Variants in SLC4A8 observed in about 807,000 individuals in gnomAD.
SLC4A8 encodes the protein solute carrier family 4 member 8, also known as electroneutral sodium bicarbonate exchanger 1.
In SLC4A8, 40 loss-of-function variants were observed where a neutral mutation model predicts 125.0. The observed-to-expected ratio is 0.32, with a 90% CI of 0.25 to 0.42. SLC4A8 has a LOEUF of 0.42. SLC4A8 is among the 10% of genes least tolerant of loss of function. The probability of loss-of-function intolerance (pLI) is 1.00; values close to 1 mark genes in which losing one functional copy is unlikely to be tolerated. For missense variants in SLC4A8, 863 were observed against 1,355.1 expected (o/e 0.64, Z 5.70); for synonymous variants, 456 against 476.0 (o/e 0.96, Z 0.55).
At chr12:51,401,545 C>T (rs768354421) in intron 1 of SLC4A8, among the ~76,000 whole-genome samples, 111 of 152,122 alleles carry the variant, frequency 7.3e-4, no homozygotes, top group Non-Finnish European at 1.4e-3. Flanking sequence ...TATGCTCTTC[C>T]ACCAGTGTAT....
intron 1 of SLC4A8, among the ~76,000 whole-genome samples, chr12:51,398,350 A>G (rs1948305328): frequency 6.6e-6 from 1 of 152,206 alleles, no homozygotes; most frequent in South Asian, 2.1e-4. Context: ...TACAATTAAT[A>G]AGTGTTCCTC....
At chr12:51,463,872 A>G (rs1950431087) in intron 11 of SLC4A8, among the ~76,000 whole-genome samples, 158 bp downstream of exon 11, 2 of 152,228 alleles carry the variant, frequency 1.3e-5, no homozygotes, top group Non-Finnish European at 2.9e-5. Flanking sequence ...AGTATTATGA[A>G]TATATCAAAT....
chr12:51,483,860 G>A (rs1272741553), intron 16 of SLC4A8, among the ~76,000 whole-genome samples: 1 of 151,916 alleles, frequency 6.6e-6, no homozygotes, highest in East Asian at 1.9e-4. Flanking sequence ...TTTACATTAG[G>A]TATATCTCCT....
chr12:51,453,193 A>C (rs1950022153), intron 4 of SLC4A8, among the ~76,000 whole-genome samples: 1 of 152,240 alleles, frequency 6.6e-6, no homozygotes, highest in South Asian at 2.1e-4. Context: ...ATGCATGCTC[A>C]TTATAGAAAG....
chr12:51,474,592 C>G (rs1950807111), intron 15 of SLC4A8, 145 bp downstream of exon 15: 4 of 1,388,074 alleles, frequency 2.9e-6, no homozygotes, highest in Non-Finnish European at 3.8e-6. Flanking sequence ...TACTCACTTT[C>G]TTTTATCCTT....
intron 16 of SLC4A8, among the ~76,000 whole-genome samples, chr12:51,476,593 A>G (rs1356979539): frequency 5.9e-5 from 9 of 152,208 alleles, no homozygotes; most frequent in Non-Finnish European, 1.3e-4. Context: ...GTTTTAATAA[A>G]TGTTTAAGGA....
chr12:51,482,780 A>G (rs894718410), intron 16 of SLC4A8, among the ~76,000 whole-genome samples: 1 of 152,222 alleles, frequency 6.6e-6, no homozygotes, highest in African/African-American at 2.4e-5. Flanking sequence ...TGAAGCATCC[A>G]AATAGACAGA....
chr12:51,490,787 GT>G (rs1397246761), intron 19 of SLC4A8, among the ~76,000 whole-genome samples: 3 of 152,122 alleles, frequency 2.0e-5, no homozygotes, highest in African/African-American at 7.2e-5. Flanking sequence ...GTAGGGCCTT[GT>G]CGACAGTGGG....
At chr12:51,455,700 C>T (rs757661542) in intron 5 of SLC4A8, among the ~76,000 whole-genome samples, 2 of 152,152 alleles carry the variant, frequency 1.3e-5, no homozygotes, top group Non-Finnish European at 2.9e-5. Flanking sequence ...TTTCAAGTAT[C>T]CAAGTCATTC....
intron 11 of SLC4A8, among the ~76,000 whole-genome samples, chr12:51,467,702 AATGAACCCCCAT>A (rs1255977413): frequency 2.6e-5 from 4 of 152,190 alleles, no homozygotes; most frequent in African/African-American, 9.6e-5. Flanking sequence ...AGAATAGTTT[AATGAACCCCCAT>A]GTACCCATCA....
At chr12:51,429,843 T>C (rs1949128634) in intron 1 of SLC4A8, among the ~76,000 whole-genome samples, 1 of 151,548 alleles carries the variant, frequency 6.6e-6, no homozygotes, top group African/African-American at 2.4e-5. Context: ...GAGCTTTTCA[T>C]AGGGGGTAGT....
At chr12:51,407,416 T>G (rs954355368) in intron 1 of SLC4A8, among the ~76,000 whole-genome samples, 2 of 151,402 alleles carry the variant, frequency 1.3e-5, no homozygotes, top group Non-Finnish European at 2.9e-5. Flanking sequence ...TCACCATACC[T>G]GGCTAATTAT....
rs985119951 is a variant in SLC4A8 at position 51,511,107 on chromosome 12, T to C, written c.*3669T>C. The C allele has an allele frequency of 3.9e-5, 6 of 152,216 alleles. No individual in the cohort carries two copies. The highest frequency in any genetic ancestry group is 1.4e-4 in the African/African-American group (6 of 41,454). 9.4% of individuals were successfully genotyped at this position (152,216 alleles called of 1,614,324 possible). On this transcript the variant is annotated 3_prime_UTR_variant, in exon 25 of 25. Coordinates refer to ENST00000453097, the MANE Select transcript of SLC4A8 (RefSeq NM_001039960.3). ...GTGAATGTTGATTGGCCAACCTGTC[T>C]GAGCTTTCAGCAGATGCATCCTTGA...
intron 14 of SLC4A8, among the ~76,000 whole-genome samples, chr12:51,473,685 A>T (rs1379633218): frequency 6.6e-6 from 1 of 152,176 alleles, no homozygotes; most frequent in Non-Finnish European, 1.5e-5. Flanking sequence ...GGGAGGCAAC[A>T]TGGTGGCCAA....
At chr12:51,411,670 C>A (rs1461392627) in intron 1 of SLC4A8, among the ~76,000 whole-genome samples, 1 of 151,966 alleles carries the variant, frequency 6.6e-6, no homozygotes, top group East Asian at 1.9e-4. Flanking sequence ...CATTTATTTT[C>A]ATTTTCATAT....
At chr12:51,450,729 G>A in intron 2 of SLC4A8, 147 bp from the exon 3 acceptor site, 1 of 806,164 alleles carries the variant, frequency 1.2e-6, no homozygotes. Flanking sequence ...CTTTACTCCT[G>A]GAAGTCTTTG....
intron 20 of SLC4A8, 138 bp from the exon 21 acceptor site, chr12:51,494,807 C>A: frequency 1.6e-6 from 1 of 625,204 alleles, no homozygotes; most frequent in Non-Finnish European, 2.6e-6. Context: ...CTTTTAAAGT[C>A]TCAGTTTCCA....
chr12:51,457,628 T>C lies in SLC4A8; in HGVS notation c.763+89T>C. The C allele has an allele frequency of 1.2e-5, 15 of 1,226,674 alleles. No homozygotes were observed. The South Asian group carries it at 2.1e-4, about 17-fold the overall frequency. The allele number at this position is 1,226,674 out of a possible 1,614,324, so 76.0% of individuals were successfully genotyped here. ...TGACTTACTAGGGGTGGGGGCTGTA[T>C]TTGTCTAATATGTTTCCATGTCCAC... On this transcript the variant is annotated intron_variant, in intron 6 of 24. Transcript: ENST00000453097.
At chr12:51,488,174 A>G (rs1032818504) in intron 17 of SLC4A8, among the ~76,000 whole-genome samples, 2 of 152,258 alleles carry the variant, frequency 1.3e-5, no homozygotes, top group Non-Finnish European at 1.5e-5. Context: ...CTTGCTGCCC[A>G]ATGTGCTAGA....
Sources: gnomAD v4.1 joint callset for allele counts (sites outside exome capture counted in the v4.1 genomes callset) on GRCh38, gnomAD v4.1.1 for gene constraint, MANE v1.5 for transcripts, NCBI Gene and HGNC (gene_info 2026-07-23, HGNC 2026-07-21) for gene names.